The following CPA6 variants were observed in gnomAD, a reference collection of about 807,000 sequenced individuals.
The protein encoded by CPA6 is carboxypeptidase A6, also known as carboxypeptidase B.
In CPA6, 58 loss-of-function variants were observed where a neutral mutation model predicts 63.3. The ratio of observed to expected loss-of-function variants is 0.92; its 90% CI spans 0.74 to 1.14. The LOEUF is 1.14. CPA6 is among the 50% of genes most tolerant of loss of function. The pLI, the probability that CPA6 is intolerant of heterozygous loss-of-function variation, is 0.00. For missense variants in CPA6, 565 were observed against 526.6 expected, an observed-to-expected ratio of 1.07 and a Z score of -0.71; for synonymous variants, 185 against 179.0, an observed-to-expected ratio of 1.03 and a Z score of -0.27.
At chr8:67,463,094 T>C (rs1810849579) in intron 8 of CPA6, among the ~76,000 whole-genome samples, 1 of 152,188 alleles carries the variant, frequency 6.6e-6, no homozygotes, top group African/African-American at 2.4e-5. Context: ...CACTTGTAGG[T>C]TGTATGGGAA....
chr8:67,434,424 T>A (rs541703726), intron 8 of CPA6, among the ~76,000 whole-genome samples, 184 bp from the exon 9 acceptor site: 1 of 152,218 alleles, frequency 6.6e-6, no homozygotes, highest in African/African-American at 2.4e-5. Flanking sequence ...GAAGTTCCCA[T>A]GCACAACAGG....
At chr8:67,604,575 A>G (rs1587623752) in intron 2 of CPA6, among the ~76,000 whole-genome samples, 1 of 152,124 alleles carries the variant, frequency 6.6e-6, no homozygotes, top group African/African-American at 2.4e-5. Context: ...CCACCACAAT[A>G]TGAAGTTTCT....
chr8:67,516,666 G>C (rs1254315610), intron 3 of CPA6, among the ~76,000 whole-genome samples: 1 of 152,194 alleles, frequency 6.6e-6, no homozygotes, highest in African/African-American at 2.4e-5. Context: ...TCTATTGCCA[G>C]ATCCAAAGGA....
intron 8 of CPA6, among the ~76,000 whole-genome samples, chr8:67,451,264 C>T (rs1046771452): frequency 5.3e-5 from 8 of 152,170 alleles, no homozygotes. Context: ...TAGCTGCTTC[C>T]CGTTGCCCAC....
intron 8 of CPA6, among the ~76,000 whole-genome samples, chr8:67,480,480 T>C (rs1275796084): frequency 1.3e-5 from 2 of 152,222 alleles, no homozygotes; most frequent in African/African-American, 4.8e-5. Flanking sequence ...TAAGTATCTA[T>C]GCTGCAGAAT....
chr8:67,481,617 T>C (rs1018557662), intron 8 of CPA6, among the ~76,000 whole-genome samples: 2 of 152,338 alleles, frequency 1.3e-5, no homozygotes, highest in African/African-American at 4.8e-5. Context: ...GAAACAGCTG[T>C]TTTTGTCACT....
chr8:67,532,545 G>A (rs11990394), intron 2 of CPA6, among the ~76,000 whole-genome samples: 3,750 of 152,122 alleles, frequency 0.025, 141 homozygotes, highest in African/African-American at 0.084. Flanking sequence ...AGCCAGGCGT[G>A]GTGGCGAGTA....
At chr8:67,694,142 A>G (rs1267883834) in intron 1 of CPA6, among the ~76,000 whole-genome samples, 1 of 152,228 alleles carries the variant, frequency 6.6e-6, no homozygotes, top group Non-Finnish European at 1.5e-5. Flanking sequence ...GCCCAGAACA[A>G]GAGAAGGCTC....
intron 1 of CPA6, among the ~76,000 whole-genome samples, chr8:67,652,811 G>T (rs1474350895): frequency 6.6e-6 from 1 of 151,962 alleles, no homozygotes; most frequent in Non-Finnish European, 1.5e-5. Context: ...TGAAGTCCTT[G>T]CCCATGCCTA....
At chr8:67,555,451 C>G (rs1813038756) in intron 2 of CPA6, among the ~76,000 whole-genome samples, 1 of 152,166 alleles carries the variant, frequency 6.6e-6, no homozygotes, top group East Asian at 1.9e-4. Flanking sequence ...AGGTTGCACC[C>G]AAAGAGGACG....
At chr8:67,568,583 A>G (rs1410905037) in intron 2 of CPA6, among the ~76,000 whole-genome samples, 25 of 152,232 alleles carry the variant, frequency 1.6e-4, no homozygotes, top group Admixed American at 1.6e-3. Flanking sequence ...CAGTGAACTC[A>G]GAGGCAGAAC....
chr8:67,575,889 G>C (rs892063806), intron 2 of CPA6, among the ~76,000 whole-genome samples: 6 of 151,000 alleles, frequency 4.0e-5, no homozygotes, highest in African/African-American at 9.7e-5. Flanking sequence ...GGATGGAATT[G>C]GAAAAAATCA....
At chr8:67,546,227 C>T (rs552557766) in intron 2 of CPA6, among the ~76,000 whole-genome samples, 1 of 152,342 alleles carries the variant, frequency 6.6e-6, no homozygotes, top group South Asian at 2.1e-4. Flanking sequence ...GGAAGGGCCC[C>T]AGGCAATTGT....
chr8:67,439,584 G>A (rs1411479289), intron 8 of CPA6, among the ~76,000 whole-genome samples: 23 of 135,592 alleles, frequency 1.7e-4, no homozygotes, highest in Non-Finnish European at 3.1e-4. Flanking sequence ...AGCAAGACTC[G>A]GTCTCAAAAA....
chr8:67,698,614 G>A (rs929694521), intron 1 of CPA6, among the ~76,000 whole-genome samples: 3 of 152,068 alleles, frequency 2.0e-5, no homozygotes, highest in African/African-American at 7.2e-5. Flanking sequence ...TATGTCTTCC[G>A]ATTCTGTGTC....
chr8:67,704,653 A>G (rs1472897253), intron 1 of CPA6, among the ~76,000 whole-genome samples: 1 of 152,226 alleles, frequency 6.6e-6, no homozygotes, highest in Non-Finnish European at 1.5e-5. Context: ...TGTTCATTCC[A>G]GTATCTCCTC....
intron 6 of CPA6, among the ~76,000 whole-genome samples, chr8:67,496,580 AG>A (rs1483771694): frequency 1.8e-5 from 2 of 111,052 alleles, no homozygotes; most frequent in African/African-American, 7.7e-5. Context: ...TTTTTTTTTG[AG>A]ATGGAGTGTC....
intron 1 of CPA6, among the ~76,000 whole-genome samples, chr8:67,632,021 T>G (rs1815345779): frequency 6.6e-6 from 1 of 152,222 alleles, no homozygotes; most frequent in Non-Finnish European, 1.5e-5. Flanking sequence ...GTGGCTTCAT[T>G]CTTGAAGTCA....
intron 2 of CPA6, among the ~76,000 whole-genome samples, chr8:67,594,725 C>T (rs950303102): frequency 6.6e-6 from 1 of 152,324 alleles, no homozygotes; most frequent in South Asian, 2.1e-4. Flanking sequence ...TGGCTTTCAG[C>T]TCCATCAGCT....
Sources: allele counts gnomAD v4.1 joint callset (sites outside exome capture counted in the v4.1 genomes callset), GRCh38; gene constraint gnomAD v4.1.1; transcripts MANE v1.5; gene names NCBI Gene and HGNC (gene_info 2026-07-23, HGNC 2026-07-21).